GPC6: variants seen among roughly 807,000 people sequenced by gnomAD.
The protein encoded by GPC6 is glypican-6.
In GPC6, 14 loss-of-function variants were observed where a neutral mutation model predicts 55.2. That is an observed-to-expected ratio of 0.25 (90% CI 0.17 to 0.40). GPC6 has a LOEUF of 0.40. Ranked by LOEUF, GPC6 falls within the 10% of genes least tolerant of loss-of-function variation. GPC6 has a pLI of 1.00. For synonymous variants in GPC6, 278 were observed against 259.6 expected, an observed-to-expected ratio of 1.07 and a Z score of -0.68; for missense variants, 641 against 708.5, an observed-to-expected ratio of 0.90 and a Z score of 1.08.
intron 1 of GPC6, among the ~76,000 whole-genome samples, chr13:93,343,472 G>A (rs1369421464): frequency 6.6e-6 from 1 of 152,132 alleles, no homozygotes. Flanking sequence ...TTAATTAGTA[G>A]CAACATGAGT....
intron 1 of GPC6, among the ~76,000 whole-genome samples, chr13:93,475,832 G>A (rs190733441): frequency 1.5e-3 from 233 of 152,158 alleles, no homozygotes; most frequent in African/African-American, 5.2e-3. Flanking sequence ...AAAATAGAGG[G>A]TGCTTTTTAA....
chr13:94,266,603 C>T (rs1304890165), intron 4 of GPC6, among the ~76,000 whole-genome samples: 1 of 137,304 alleles, frequency 7.3e-6, no homozygotes, highest in Non-Finnish European at 1.6e-5. Flanking sequence ...ACTTCAAAAA[C>T]GCAGCCCCAG....
intron 4 of GPC6, among the ~76,000 whole-genome samples, chr13:94,118,292 C>T (rs1886504741): frequency 6.6e-6 from 1 of 152,034 alleles, no homozygotes; most frequent in African/African-American, 2.4e-5. Context: ...GCTTTTCCCC[C>T]TTTGCTTGGC....
At position 93,711,923 on chromosome 13, in the gene GPC6, T is replaced by C. The variant is rs145033626; in HGVS notation, c.320-118231T>C. On this transcript the variant is annotated intron_variant, in intron 2 of 8. Transcript: ENST00000377047. Reference sequence around the variant, plus strand: ...ACATTATACATGGTTCCTTAGAGGATCATGGTGAGATCAAGCCCGAGTTGC... The same window carrying C: ...ACATTATACATGGTTCCTTAGAGGACCATGGTGAGATCAAGCCCGAGTTGC... 3.7e-3 allele frequency among the ~76,000 whole-genome samples: 566 copies of C among 151,840 alleles called. 2 individuals are homozygous for C. The highest frequency in any genetic ancestry group is 0.011 in the South Asian group (53 of 4,824).
chr13:93,986,259 A>T (rs1881026498), intron 3 of GPC6, among the ~76,000 whole-genome samples: 2 of 152,148 alleles, frequency 1.3e-5, no homozygotes, highest in Admixed American at 6.5e-5. Flanking sequence ...TCTTTTATTT[A>T]TCATTTAATG....
At chr13:93,630,389 T>C (rs1879379111) in intron 2 of GPC6, among the ~76,000 whole-genome samples, 1 of 152,190 alleles carries the variant, frequency 6.6e-6, no homozygotes, top group Non-Finnish European at 1.5e-5. Context: ...ATCTGAATAA[T>C]GAGCTAGGGT....
rs142046673 is a variant in GPC6, at chr13:94,056,386, G to T, written c.877+28492G>T. Among the ~76,000 whole-genome samples, 1,153 of 152,206 alleles carry T rather than the reference G, an allele frequency of 7.6e-3. 16 individuals carry two copies. Among genetic ancestry groups the T allele is most frequent in the African/African-American group, 0.026 (1,063 of 41,548 alleles). ...TAAACTATATTAGTGAGTTACTCAA[G>T]GATTAATTAAACTGAATAAATAATT... is the stretch of plus-strand genomic sequence containing the variant. On this transcript the variant is annotated intron_variant, in intron 4 of 8. Coordinates refer to ENST00000377047, the MANE Select transcript of GPC6 (RefSeq NM_005708.5).
intron 2 of GPC6, among the ~76,000 whole-genome samples, chr13:93,604,011 A>G (rs1881271252): frequency 6.6e-6 from 1 of 152,226 alleles, no homozygotes; most frequent in Non-Finnish European, 1.5e-5. Flanking sequence ...AAATAGGGAA[A>G]TGGGAGTACA....
intron 3 of GPC6, among the ~76,000 whole-genome samples, chr13:93,878,528 A>G (rs1193313390): frequency 6.6e-6 from 1 of 152,042 alleles, no homozygotes; most frequent in Non-Finnish European, 1.5e-5. Flanking sequence ...ACAGCCATGC[A>G]TCACCACACC....
At chr13:93,741,594 A>G (rs1468672926) in intron 2 of GPC6, among the ~76,000 whole-genome samples, 1 of 152,150 alleles carries the variant, frequency 6.6e-6, no homozygotes, top group Admixed American at 6.5e-5. Flanking sequence ...TATAGACAGC[A>G]TAGCCCCGCC....
intron 2 of GPC6, among the ~76,000 whole-genome samples, chr13:93,788,518 T>TAAACACACAC (rs113008279): frequency 2.7e-5 from 4 of 147,930 alleles, no homozygotes; most frequent in Non-Finnish European, 5.9e-5. Flanking sequence ...GTTCACTCTT[T>TAAACACACAC]ACACACACAC....
At chr13:94,172,038 G>C (rs1372342998) in intron 4 of GPC6, among the ~76,000 whole-genome samples, 1 of 152,144 alleles carries the variant, frequency 6.6e-6, no homozygotes, top group Non-Finnish European at 1.5e-5. Context: ...AGTTTGGAAA[G>C]ACAGTGAGCA....
At chr13:94,051,146 T>A (rs1194472131) in intron 4 of GPC6, among the ~76,000 whole-genome samples, 1 of 152,178 alleles carries the variant, frequency 6.6e-6, no homozygotes, top group Non-Finnish European at 1.5e-5. Context: ...ACTAGATTGA[T>A]TGCTGTGCCT....
intron 3 of GPC6, among the ~76,000 whole-genome samples, chr13:93,833,776 G>A (rs1386410924): frequency 6.6e-6 from 1 of 152,104 alleles, no homozygotes; most frequent in African/African-American, 2.4e-5. Context: ...TAAATTGTAA[G>A]CATCAACAGA....
intron 4 of GPC6, among the ~76,000 whole-genome samples, chr13:94,227,235 T>C: frequency 6.6e-6 from 1 of 152,342 alleles, no homozygotes; most frequent in African/African-American, 2.4e-5. Context: ...AACAGAAAGC[T>C]ACTGCACAAA....
intron 6 of GPC6, among the ~76,000 whole-genome samples, chr13:94,357,116 A>G (rs905669602): frequency 3.9e-5 from 6 of 152,102 alleles, no homozygotes; most frequent in Admixed American, 3.3e-4. Flanking sequence ...GCACCCTTCA[A>G]TGATTCTCCA....
chr13:93,863,297 C>T (rs1361230999), intron 3 of GPC6, among the ~76,000 whole-genome samples: 1 of 151,642 alleles, frequency 6.6e-6, no homozygotes, highest in East Asian at 2.0e-4. Context: ...TCTCTCCCTA[C>T]AGAATTGGGT....
At position 93,740,438 on chromosome 13, in the gene GPC6, T is replaced by C. The variant is rs1396259094; in HGVS notation, c.320-89716T>C. 2.6e-5 allele frequency among the ~76,000 whole-genome samples: 4 copies of C among 152,154 alleles called. No individual in the cohort carries two copies. In the East Asian group the frequency reaches 7.7e-4, roughly 29 times the overall value. Reference sequence around the variant, plus strand: ...TTGTGCGGCAATTAAGGATAAAGACTGGAAAAAGTCAAGGTCAAGAAGCAT... The same window carrying C: ...TTGTGCGGCAATTAAGGATAAAGACCGGAAAAAGTCAAGGTCAAGAAGCAT... On this transcript the variant is annotated intron_variant, in intron 2 of 8. Transcript: ENST00000377047.
chr13:93,391,519 A>C (rs74108513), intron 1 of GPC6, among the ~76,000 whole-genome samples: 1,920 of 152,336 alleles, frequency 0.013, 53 homozygotes, highest in African/African-American at 0.044. Flanking sequence ...TTTCAGGAGT[A>C]AGTGTTGCTT....
Sources: gnomAD v4.1 joint callset for allele counts (sites outside exome capture counted in the v4.1 genomes callset) on GRCh38, gnomAD v4.1.1 for gene constraint, MANE v1.5 for transcripts, NCBI Gene and HGNC (gene_info 2026-07-23, HGNC 2026-07-21) for gene names.